RAB3GAP1: variants seen among roughly 807,000 people sequenced by gnomAD.
RAB3GAP1 encodes the protein RAB3 GTPase activating protein catalytic subunit 1, also known as rab3 GTPase-activating protein catalytic subunit.
RAB3GAP1 carries 86 observed loss-of-function variants against 130.7 expected under a neutral mutation model. The ratio of observed to expected loss-of-function variants is 0.66; its 90% CI spans 0.55 to 0.79. RAB3GAP1 has a LOEUF of 0.79. Among genes scored for constraint, RAB3GAP1 ranks in the 30% least tolerant of loss-of-function variants. The probability of loss-of-function intolerance (pLI) is 0.00; values close to 1 mark genes in which losing one functional copy is unlikely to be tolerated. For synonymous variants in RAB3GAP1, 367 were observed against 401.7 expected, an observed-to-expected ratio of 0.91 and a Z score of 1.03; for missense variants, 1,029 against 1,169.4, an observed-to-expected ratio of 0.88 and a Z score of 1.75.
Position 135,132,990 on chromosome 2 carries a change from T to C in RAB3GAP1, c.1326+6T>C. On this transcript the variant is annotated splice_donor_region_variant and intron_variant, in intron 14 of 23. Coordinates refer to ENST00000264158, the MANE Select transcript of RAB3GAP1 (RefSeq NM_012233.3). Reference sequence around the variant, plus strand: ...CATCAGAGAGTGAAGACTATGTAAGTTGATGTGGAGTTCAATGTTAAAATG... The same window carrying C: ...CATCAGAGAGTGAAGACTATGTAAGCTGATGTGGAGTTCAATGTTAAAATG... 1.3e-6 allele frequency: 2 copies of C among 1,493,586 alleles called. No individual in the cohort carries two copies. Among genetic ancestry groups the C allele is most frequent in the South Asian group, 1.1e-5 (1 of 88,616 alleles). 92.5% of individuals were successfully genotyped at this position (1,493,586 alleles called of 1,614,324 possible). A position where few individuals can be genotyped will look rare whatever the true frequency, so the allele number is the denominator to read the frequency against.
chr2:135,093,948 A>G (rs894013537), intron 5 of RAB3GAP1, among the ~76,000 whole-genome samples: 1 of 152,216 alleles, frequency 6.6e-6, no homozygotes, highest in African/African-American at 2.4e-5. Flanking sequence ...TCCCTCAGCA[A>G]CAAATTGTGA....
intron 11 of RAB3GAP1, among the ~76,000 whole-genome samples, chr2:135,129,201 C>G (rs924617518): frequency 6.7e-6 from 1 of 150,360 alleles, no homozygotes; most frequent in African/African-American, 2.5e-5. Context: ...ACTTGTAATC[C>G]CAGCACTTTG....
intron 7 of RAB3GAP1, among the ~76,000 whole-genome samples, chr2:135,119,523 G>A (rs897703423): frequency 6.6e-6 from 1 of 152,160 alleles, no homozygotes; most frequent in African/African-American, 2.4e-5. Flanking sequence ...CCTTATTATA[G>A]GTGAATGCTC....
At chr2:135,089,185 A>G (rs1690068498) in intron 3 of RAB3GAP1, among the ~76,000 whole-genome samples, 2 of 152,140 alleles carry the variant, frequency 1.3e-5, no homozygotes, top group South Asian at 4.2e-4. Context: ...AGGTTTGTCA[A>G]AGATCAGATG....
At chr2:135,111,232 C>A (rs934872724) in intron 5 of RAB3GAP1, among the ~76,000 whole-genome samples, 3 of 151,966 alleles carry the variant, frequency 2.0e-5, no homozygotes, top group Non-Finnish European at 2.9e-5. Context: ...ATTAATAATT[C>A]TTTATATACC....
chr2:135,127,480 A>G (rs1691387374), intron 11 of RAB3GAP1, among the ~76,000 whole-genome samples: 1 of 151,610 alleles, frequency 6.6e-6, no homozygotes, highest in East Asian at 2.0e-4. Flanking sequence ...AGTAGCTGGG[A>G]CTATAGGCGC....
At chr2:135,118,236 T>A (rs940671687) in intron 7 of RAB3GAP1, among the ~76,000 whole-genome samples, 2 of 152,144 alleles carry the variant, frequency 1.3e-5, no homozygotes, top group African/African-American at 4.8e-5. Context: ...TACATTGATC[T>A]GTGGAACCCA....
intron 5 of RAB3GAP1, among the ~76,000 whole-genome samples, chr2:135,105,830 G>C (rs1448462528): frequency 6.7e-6 from 1 of 149,520 alleles, no homozygotes; most frequent in Non-Finnish European, 1.5e-5. Context: ...TGTGGGGAGC[G>C]CCTCTGCCCC....
intron 5 of RAB3GAP1, among the ~76,000 whole-genome samples, chr2:135,104,309 G>A (rs1690531010): frequency 6.6e-6 from 1 of 152,112 alleles, no homozygotes; most frequent in African/African-American, 2.4e-5. Context: ...ATATGGTCTT[G>A]CTACAATGTA....
intron 3 of RAB3GAP1, among the ~76,000 whole-genome samples, chr2:135,086,465 T>C (rs2104867749): frequency 6.6e-6 from 1 of 152,244 alleles, no homozygotes; most frequent in South Asian, 2.1e-4. Flanking sequence ...CTGATGACTA[T>C]TGATAGTGAG....
intron 17 of RAB3GAP1, among the ~76,000 whole-genome samples, chr2:135,148,221 A>C (rs910850058): frequency 6.6e-6 from 1 of 152,204 alleles, no homozygotes; most frequent in Admixed American, 6.5e-5. Flanking sequence ...TTGGAATTCA[A>C]AATGATCCCA....
intron 5 of RAB3GAP1, among the ~76,000 whole-genome samples, chr2:135,105,057 A>G (rs913623453): frequency 2.0e-5 from 3 of 152,236 alleles, no homozygotes; most frequent in African/African-American, 7.2e-5. Flanking sequence ...CAGAGAAAAA[A>G]GTTTGGAGAA....
At chr2:135,158,234 T>C (rs1318408897) in intron 19 of RAB3GAP1, among the ~76,000 whole-genome samples, 1 of 152,184 alleles carries the variant, frequency 6.6e-6, no homozygotes, top group Non-Finnish European at 1.5e-5. Flanking sequence ...ACACATAGCT[T>C]GATTTTTTTT....
chr2:135,175,929 T>C (rs1160171213), intron 24 of RAB3GAP1, among the ~76,000 whole-genome samples: 2 of 152,230 alleles, frequency 1.3e-5, no homozygotes, highest in South Asian at 4.1e-4. Context: ...TTTAAGTTGA[T>C]AATGTCAATA....
rs573589173 is a variant in RAB3GAP1 at position 135,071,816 on chromosome 2, T to A, written c.150+13730T>A. On this transcript the variant is annotated intron_variant, in intron 3 of 23. Transcript: ENST00000264158. ...AACCACTTCCTGCTAACCATGGGTA[T>A]GGCAATGGCCCTGCCAATGGCTGTT... Among the ~76,000 whole-genome samples, 15 of 152,358 alleles carry A rather than the reference T, an allele frequency of 9.8e-5. No individual in the cohort carries two copies. The South Asian group carries it at 3.1e-3, about 32-fold the overall frequency.
At chr2:135,155,856 G>A (rs1692296819) in intron 19 of RAB3GAP1, among the ~76,000 whole-genome samples, 1 of 151,864 alleles carries the variant, frequency 6.6e-6, no homozygotes, top group Non-Finnish European at 1.5e-5. Context: ...AAAGGAGAGA[G>A]TGTAGAGAAC....
chr2:135,125,495 A>G (rs999781039), intron 9 of RAB3GAP1, among the ~76,000 whole-genome samples: 1 of 152,236 alleles, frequency 6.6e-6, no homozygotes, highest in Non-Finnish European at 1.5e-5. Context: ...GCATAGTAAG[A>G]GATTGACAAT....
intron 13 of RAB3GAP1, 26 bp downstream of exon 13, chr2:135,130,747 G>T: frequency 6.3e-7 from 1 of 1,584,998 alleles, no homozygotes; most frequent in South Asian, 1.1e-5. Context: ...GTCTTTATAG[G>T]TCTATATGCA....
chr2:135,114,787 A>G (rs1014202765), intron 6 of RAB3GAP1, among the ~76,000 whole-genome samples: 1 of 152,182 alleles, frequency 6.6e-6, no homozygotes, highest in African/African-American at 2.4e-5. Flanking sequence ...GCACATCACA[A>G]CCTTCTTGTG....
Sources: allele counts gnomAD v4.1 joint callset (sites outside exome capture counted in the v4.1 genomes callset), GRCh38; gene constraint gnomAD v4.1.1; transcripts MANE v1.5; gene names NCBI Gene and HGNC (gene_info 2026-07-23, HGNC 2026-07-21).